TENM4: variants seen among roughly 807,000 people sequenced by gnomAD.
TENM4 encodes teneurin-4.
Under a neutral mutation model 243.3 loss-of-function variants are expected in TENM4, and 82 were observed. The observed-to-expected ratio is 0.34, with a 90% CI of 0.28 to 0.40. The LOEUF is 0.40. Ranked by LOEUF, TENM4 falls within the 10% of genes least tolerant of loss-of-function variation. The pLI is 1.00. For missense variants in TENM4, 3,138 were observed against 3,673.3 expected, an observed-to-expected ratio of 0.85 and a Z score of 3.77; for synonymous variants, 1,412 against 1,456.3, an observed-to-expected ratio of 0.97 and a Z score of 0.69.
intron 1 of TENM4, among the ~76,000 whole-genome samples, chr11:79,432,706 T>G (rs1211787760): frequency 6.6e-6 from 1 of 152,194 alleles, no homozygotes; most frequent in Non-Finnish European, 1.5e-5. Context: ...TGATGCAAAT[T>G]TTTACATGTC....
At chr11:79,306,779 C>T (rs767451589) in intron 1 of TENM4, among the ~76,000 whole-genome samples, 1 of 152,090 alleles carries the variant, frequency 6.6e-6, no homozygotes, top group Admixed American at 6.6e-5. Context: ...TGTGGCCTAC[C>T]TGAGGCTGCT....
At chr11:78,777,722 T>A (rs1856765013) in intron 17 of TENM4, among the ~76,000 whole-genome samples, 1 of 152,222 alleles carries the variant, frequency 6.6e-6, no homozygotes, top group African/African-American at 2.4e-5. Flanking sequence ...CCAAGCAGTC[T>A]GACTCTAGAA....
At position 78,856,188 on chromosome 11, in the gene TENM4, T is replaced by A. The variant is rs755759838; in HGVS notation, c.1256-10A>T. On this transcript the variant is annotated splice_polypyrimidine_tract_variant and intron_variant, in intron 10 of 33. Transcript: ENST00000278550. ...AAACTACTGGGCTTTCCTACCAAGA[T>A]AGAGGGAAGGGAAGACAAAGACATC... is the stretch of plus-strand genomic sequence containing the variant. 1 of 1,549,726 alleles carries A rather than the reference T, an allele frequency of 6.5e-7. No individual in the cohort carries two copies. The highest frequency in any genetic ancestry group is 8.7e-7 in the Non-Finnish European group (1 of 1,145,714).
intron 2 of TENM4, among the ~76,000 whole-genome samples, chr11:79,270,794 T>A (rs146698908): frequency 6.6e-6 from 1 of 152,334 alleles, no homozygotes; most frequent in East Asian, 1.9e-4. Context: ...GTTTCCCTTG[T>A]ATAATTTGCA....
intron 18 of TENM4, among the ~76,000 whole-genome samples, chr11:78,766,121 T>A (rs933211614): frequency 5.3e-5 from 8 of 152,200 alleles, no homozygotes; most frequent in African/African-American, 1.7e-4. Context: ...AAACTAAGTC[T>A]TAGAGAAGTT....
chr11:78,720,043 C>T (rs1458667078), intron 25 of TENM4, among the ~76,000 whole-genome samples: 2 of 152,220 alleles, frequency 1.3e-5, no homozygotes, highest in Non-Finnish European at 2.9e-5. Context: ...TCGTTCAATG[C>T]AGTTAGGATG....
At chr11:78,954,040 A>T (rs552735262) in intron 6 of TENM4, among the ~76,000 whole-genome samples, 1 of 152,168 alleles carries the variant, frequency 6.6e-6, no homozygotes, top group African/African-American at 2.4e-5. Context: ...TAGTTGTTTA[A>T]TCTCAAACAC....
chr11:79,045,122 C>T (rs961416519), intron 6 of TENM4, among the ~76,000 whole-genome samples: 3 of 152,288 alleles, frequency 2.0e-5, no homozygotes, highest in East Asian at 1.9e-4. Flanking sequence ...AAGTCTATGA[C>T]GATTTTAGCT....
chr11:79,056,763 G>A (rs1343782474), intron 6 of TENM4, among the ~76,000 whole-genome samples: 1 of 152,150 alleles, frequency 6.6e-6, no homozygotes, highest in African/African-American at 2.4e-5. Context: ...GTGGGCAAGG[G>A]ATATGGCTCA....
At chr11:78,740,329 C>T (rs934012693) in intron 19 of TENM4, among the ~76,000 whole-genome samples, 5 of 152,128 alleles carry the variant, frequency 3.3e-5, no homozygotes, top group Admixed American at 1.3e-4. Context: ...AAGGCAAGAA[C>T]AACTACCCAC....
intron 19 of TENM4, chr11:78,756,543 C>T (rs1436426064): frequency 1.8e-5 from 8 of 455,774 alleles, no homozygotes; most frequent in Middle Eastern, 6.2e-4. Context: ...TCCCCTTGGA[C>T]CTTTGGTTTC....
intron 25 of TENM4, among the ~76,000 whole-genome samples, chr11:78,718,285 A>G (rs1204595845): frequency 6.8e-6 from 1 of 147,780 alleles, no homozygotes; most frequent in Non-Finnish European, 1.5e-5. Context: ...GCAGAAAGTG[A>G]TTCATTTTTT....
intron 27 of TENM4, among the ~76,000 whole-genome samples, chr11:78,706,914 C>A (rs1470271100): frequency 6.6e-6 from 1 of 152,170 alleles, no homozygotes; most frequent in Non-Finnish European, 1.5e-5. Flanking sequence ...GCCAAAACTG[C>A]AAAGACGAGT....
At chr11:78,891,909 G>A (rs1855677044) in intron 7 of TENM4, among the ~76,000 whole-genome samples, 1 of 152,154 alleles carries the variant, frequency 6.6e-6, no homozygotes, top group South Asian at 2.1e-4. Flanking sequence ...CTAAAGCCAT[G>A]GTTCTCCAAC....
At chr11:78,672,438 G>A (rs1005289539) in intron 30 of TENM4, 109 bp from the exon 31 acceptor site, 39 of 1,180,682 alleles carry the variant, frequency 3.3e-5, no homozygotes, top group Non-Finnish European at 1.7e-5. Context: ...AGTAGAGGAG[G>A]GAGCACAGTC....
chr11:79,415,196 G>T (rs1858787105), intron 1 of TENM4, among the ~76,000 whole-genome samples: 1 of 152,172 alleles, frequency 6.6e-6, no homozygotes, highest in African/African-American at 2.4e-5. Context: ...AATCCTCAAA[G>T]AATGTCTGCT....
At chr11:78,826,309 A>G (rs1033113103) in intron 12 of TENM4, among the ~76,000 whole-genome samples, 1 of 151,178 alleles carries the variant, frequency 6.6e-6, no homozygotes, top group Admixed American at 6.6e-5. Context: ...CTGGTCTTGA[A>G]CTCCTGACCT....
At chr11:79,346,841 A>G (rs184510246) in intron 1 of TENM4, among the ~76,000 whole-genome samples, 154 of 152,360 alleles carry the variant, frequency 1.0e-3, no homozygotes, top group African/African-American at 2.7e-3. Flanking sequence ...AAAATGAAGT[A>G]TCTGAAAGTG....
At chr11:79,387,122 A>G (rs1367030366) in intron 1 of TENM4, among the ~76,000 whole-genome samples, 2 of 152,236 alleles carry the variant, frequency 1.3e-5, no homozygotes, top group Non-Finnish European at 2.9e-5. Context: ...TCACAAACAC[A>G]ATGTTGAGTA....
Sources: allele counts gnomAD v4.1 joint callset (sites outside exome capture counted in the v4.1 genomes callset), GRCh38; gene constraint gnomAD v4.1.1; transcripts MANE v1.5; gene names NCBI Gene and HGNC (gene_info 2026-07-23, HGNC 2026-07-21).